PPP2R2D: variants seen among roughly 807,000 people sequenced by gnomAD.
The protein encoded by PPP2R2D is protein phosphatase 2 regulatory subunit Bdelta, also known as serine/threonine-protein phosphatase 2A 55 kDa regulatory subunit B delta isoform.
Under a neutral mutation model 31.1 loss-of-function variants are expected in PPP2R2D, and 9 were observed. That is an observed-to-expected ratio of 0.29 (90% CI 0.17 to 0.51). The LOEUF (loss-of-function observed/expected upper bound fraction) is 0.51. Ranked by LOEUF, PPP2R2D falls within the 20% of genes least tolerant of loss-of-function variation. The probability of loss-of-function intolerance (pLI) is 0.98; values close to 1 mark genes in which losing one functional copy is unlikely to be tolerated. For missense variants in PPP2R2D, 391 were observed against 465.6 expected (o/e 0.84, Z 1.48); for synonymous variants, 179 against 172.6 (o/e 1.04, Z -0.29).
intron 8 of PPP2R2D, among the ~76,000 whole-genome samples, chr10:131,951,475 G>A (rs1346968402): frequency 1.3e-5 from 2 of 152,210 alleles, no homozygotes; most frequent in African/African-American, 2.4e-5. Flanking sequence ...GAATGCGTAC[G>A]GTGCAATGAC....
At chr10:131,910,108 T>C (rs1481149355) in intron 2 of PPP2R2D, among the ~76,000 whole-genome samples, 1 of 152,252 alleles carries the variant, frequency 6.6e-6, no homozygotes, top group African/African-American at 2.4e-5. Context: ...CTCTTAGCGA[T>C]GCACCATAAC....
intron 2 of PPP2R2D, among the ~76,000 whole-genome samples, chr10:131,927,077 C>T (rs2036121350): frequency 6.6e-6 from 1 of 152,190 alleles, no homozygotes; most frequent in Non-Finnish European, 1.5e-5. Flanking sequence ...TCTTCCACTG[C>T]AGGGGGTGTC....
intron 2 of PPP2R2D, among the ~76,000 whole-genome samples, chr10:131,918,568 C>T (rs1397042392): frequency 2.8e-5 from 4 of 145,454 alleles, no homozygotes; most frequent in African/African-American, 7.8e-5. Context: ...GGTGGAATGA[C>T]ACAGTGTTTG....
chr10:131,914,831 T>G (rs2035748875), intron 2 of PPP2R2D, among the ~76,000 whole-genome samples: 1 of 152,194 alleles, frequency 6.6e-6, no homozygotes, highest in South Asian at 2.1e-4. Flanking sequence ...ACAGAGACTT[T>G]GGCTTTTATT....
At chr10:131,970,804 C>G in the PPP2R2D span, 1 of 1,614,208 alleles carries the variant, frequency 6.2e-7, no homozygotes, top group South Asian at 1.1e-5. This position sits in a 1 kb window ranked among gnomAD's most constrained non-coding sequence, Gnocchi z 4.1. Context: ...CGGGAAGAAA[C>G]GTGTCAGCTG....
intron 5 of PPP2R2D, among the ~76,000 whole-genome samples, 164 bp from the exon 6 acceptor site, chr10:131,943,804 A>G (rs537275001): frequency 6.6e-6 from 1 of 152,336 alleles, no homozygotes; most frequent in South Asian, 2.1e-4. Flanking sequence ...ATTTTGTAGC[A>G]TATTTTCATA....
chr10:131,927,325 G>A (rs928026474), intron 2 of PPP2R2D, among the ~76,000 whole-genome samples: 2 of 152,142 alleles, frequency 1.3e-5, no homozygotes, highest in Non-Finnish European at 2.9e-5. Context: ...CCCCCATGGA[G>A]AGGGCCTGGG....
At chr10:131,923,567 A>G (rs576103242) in intron 2 of PPP2R2D, among the ~76,000 whole-genome samples, 2 of 152,306 alleles carry the variant, frequency 1.3e-5, no homozygotes, top group South Asian at 2.1e-4. Context: ...CCCGCCGTCA[A>G]TGTATGAACA....
At chr10:131,915,761 T>C (rs1414515848) in intron 2 of PPP2R2D, among the ~76,000 whole-genome samples, 2 of 152,234 alleles carry the variant, frequency 1.3e-5, no homozygotes, top group Non-Finnish European at 2.9e-5. Flanking sequence ...TCACATTTCT[T>C]AGATGTTGAC....
At chr10:131,944,797 T>G (rs2036505287) in intron 6 of PPP2R2D, among the ~76,000 whole-genome samples, 1 of 152,178 alleles carries the variant, frequency 6.6e-6, no homozygotes, top group Admixed American at 6.5e-5. Flanking sequence ...ATTCTGCCCT[T>G]TCTTATTTTT....
intron 2 of PPP2R2D, among the ~76,000 whole-genome samples, chr10:131,932,015 C>T (rs1275858794): frequency 2.1e-5 from 3 of 145,842 alleles, no homozygotes; most frequent in African/African-American, 7.5e-5. Context: ...AAGCTGCTCA[C>T]ATAGATGCTT....
At position 131,945,232 on chromosome 10, in the gene PPP2R2D, C is replaced by G. The variant is rs530845211; in HGVS notation, c.656-63C>G. 123 of 1,543,820 alleles carry G rather than the reference C, an allele frequency of 8.0e-5. No homozygotes were observed. In the African/African-American group the frequency reaches 1.6e-3, roughly 20 times the overall value. On this transcript the variant is annotated intron_variant, in intron 6 of 8. Transcript: ENST00000455566. The surrounding 1 kb of genome is among the most constrained non-coding windows in gnomAD (Gnocchi z 4.8). ...TTATTTGGCGTCCTATTTCGCGTGACTGAATGTAGACTAATTAACAACCAG... is the reference window on the plus strand; with the variant it reads ...TTATTTGGCGTCCTATTTCGCGTGAGTGAATGTAGACTAATTAACAACCAG...
chr10:131,912,182 T>A (rs1342313591), intron 2 of PPP2R2D: 3 of 152,236 alleles, frequency 2.0e-5, no homozygotes, highest in Non-Finnish European at 4.4e-5. Context: ...TTTTGCTACT[T>A]CTTTTCCTTT....
the PPP2R2D span, chr10:131,970,051 C>T: frequency 6.6e-6 from 1 of 152,604 alleles, no homozygotes; most frequent in Non-Finnish European, 1.5e-5. The surrounding 1 kb of genome is among the most constrained non-coding windows in gnomAD (Gnocchi z 4.1). Flanking sequence ...TGGTGGTGGG[C>T]ACCTGTAATC....
chr10:131,902,431 A>G (rs2035515574), intron 2 of PPP2R2D, among the ~76,000 whole-genome samples: 1 of 152,132 alleles, frequency 6.6e-6, no homozygotes. Flanking sequence ...CTGGTTTGGC[A>G]CATGACCCCT....
chr10:131,930,812 G>GT (rs569271323), intron 2 of PPP2R2D, among the ~76,000 whole-genome samples: 145 of 152,294 alleles, frequency 9.5e-4, no homozygotes, highest in African/African-American at 3.4e-3. Flanking sequence ...TTTCTCTGTT[G>GT]TGTTTCTAGA....
chr10:131,956,429 G>T lies in PPP2R2D; in HGVS notation c.*466G>T. ...CCTCCGAGTCCAGGTGGACTCTGTG[G>T]ATGTGTGGATGTGGCCCGAGCAGGC... is the stretch of plus-strand genomic sequence containing the variant. On this transcript the variant is annotated 3_prime_UTR_variant, in exon 9 of 9. Transcript: ENST00000455566. 1.0e-6 allele frequency: 1 copy of T among 985,736 alleles called. No homozygotes were observed. 61.1% of individuals were successfully genotyped at this position (985,736 alleles called of 1,614,324 possible). A position where few individuals can be genotyped will look rare whatever the true frequency, so the allele number is the denominator to read the frequency against.
At chr10:131,953,395 G>A (rs2036726586) in intron 8 of PPP2R2D, among the ~76,000 whole-genome samples, 1 of 80,328 alleles carries the variant, frequency 1.2e-5, no homozygotes, top group Non-Finnish European at 2.3e-5. Flanking sequence ...GTGTGTGGGG[G>A]GTTCACTGTC....
At chr10:131,932,646 C>CAAAAAAAAAAAA (rs368610703) in intron 2 of PPP2R2D, among the ~76,000 whole-genome samples, 1,428 of 57,734 alleles carry the variant, frequency 0.025, 190 homozygotes, top group Non-Finnish European at 0.035. Flanking sequence ...CAGCCTGTCT[C>CAAAAAAAAAAAA]AAAAAAAAAA....
Sources: allele counts gnomAD v4.1 joint callset (sites outside exome capture counted in the v4.1 genomes callset), GRCh38; gene constraint gnomAD v4.1.1; non-coding constraint Gnocchi (gnomAD v3.1); transcripts MANE v1.5; gene names NCBI Gene and HGNC (gene_info 2026-07-23, HGNC 2026-07-21).